OCA2: variants seen among roughly 807,000 people sequenced by gnomAD.
The protein encoded by OCA2 is P protein.
A neutral mutation model predicts 100.2 loss-of-function variants in OCA2; 77 were observed. The ratio of observed to expected loss-of-function variants is 0.77; its 90% CI spans 0.64 to 0.93. The LOEUF is 0.93. OCA2 is among the 40% of genes least tolerant of loss of function. OCA2 has a pLI of 0.00. For synonymous variants in OCA2, 432 were observed against 439.2 expected (o/e 0.98, Z 0.21); for missense variants, 1,062 against 1,089.1 (o/e 0.98, Z 0.35).
Position 28,081,870 on chromosome 15 carries a change from TG to T in OCA2, c.4del (p.His2IlefsTer100). 1 of 1,610,260 alleles carries T rather than the reference TG, an allele frequency of 6.2e-7. No homozygotes were observed. Among genetic ancestry groups the T allele is most frequent in the South Asian group, 1.1e-5 (1 of 90,840 alleles). On this transcript the variant is annotated frameshift_variant, in exon 2 of 24. Coordinates refer to ENST00000354638, the MANE Select transcript of OCA2 (RefSeq NM_000275.3). LOFTEE classifies it high-confidence loss of function. MHLEGRDGRRYP... is the reference protein window; with the variant it reads MXLEGRDGRRYP... ...CCGCCTGCCGTCTCTGCCCTCCAGA[TG>T]CATGCTCCACTGCCAGTCTTCTCTC...
intron 18 of OCA2, among the ~76,000 whole-genome samples, chr15:27,941,264 T>G (rs2039636124): frequency 6.6e-6 from 1 of 152,242 alleles, no homozygotes; most frequent in Non-Finnish European, 1.5e-5. Flanking sequence ...AACAATCTCT[T>G]GATGAATGCA....
intron 2 of OCA2, among the ~76,000 whole-genome samples, chr15:28,070,523 C>G (rs1344862018): frequency 7.2e-6 from 1 of 139,486 alleles, no homozygotes; most frequent in Non-Finnish European, 1.5e-5. Context: ...CCAGCCGCCC[C>G]GTCCGGGAGG....
intron 9 of OCA2, among the ~76,000 whole-genome samples, chr15:27,997,120 G>GAAAAGA (rs1465837536): frequency 3.9e-3 from 226 of 58,090 alleles, no homozygotes; most frequent in Non-Finnish European, 5.0e-3. Context: ...AGAAAGGAAG[G>GAAAAGA]AAGGAAGGAA....
chr15:28,098,936 A>G (rs962754009), intron 1 of OCA2, among the ~76,000 whole-genome samples: 1 of 151,328 alleles, frequency 6.6e-6, no homozygotes, highest in Non-Finnish European at 1.5e-5. Flanking sequence ...ACCTTTCCAA[A>G]CTCCCCCCAC....
intron 23 of OCA2, among the ~76,000 whole-genome samples, chr15:27,778,517 A>G (rs1211074595): frequency 6.6e-6 from 1 of 152,228 alleles, no homozygotes; most frequent in East Asian, 1.9e-4. Context: ...GACACTGCAC[A>G]GAAGACACGC....
intron 2 of OCA2, among the ~76,000 whole-genome samples, chr15:28,041,524 G>C (rs371715277): frequency 5.7e-4 from 87 of 152,294 alleles, no homozygotes; most frequent in African/African-American, 2.0e-3. Context: ...GTTCTAGCCA[G>C]AACAGGTGGG....
intron 23 of OCA2, among the ~76,000 whole-genome samples, chr15:27,843,689 C>T (rs2035426279): frequency 6.6e-6 from 1 of 152,146 alleles, no homozygotes; most frequent in Non-Finnish European, 1.5e-5. Context: ...AAATTAATGC[C>T]TCAGCAAAAT....
chr15:27,922,680 G>GGTGTGTGT lies in OCA2; in HGVS notation c.2079+3439_2079+3446dup, dbSNP rs60426286. ...ATAGCTTTTGTGGTTTTTTGTTTGG[G>GGTGTGTGT]GTGTGTGTGTGTGTGTGTGTGTGTG... On this transcript the variant is annotated intron_variant, in intron 19 of 23. Transcript: ENST00000354638. Among the ~76,000 whole-genome samples the GGTGTGTGT allele has an allele frequency of 7.1e-3, 1,049 of 147,182 alleles. 15 individuals are homozygous for GGTGTGTGT. Among genetic ancestry groups the GGTGTGTGT allele is most frequent in the African/African-American group, 0.022 (892 of 40,148 alleles).
chr15:28,063,370 T>C (rs2043932384), intron 2 of OCA2, among the ~76,000 whole-genome samples: 1 of 152,190 alleles, frequency 6.6e-6, no homozygotes. Context: ...TGCCAATTTC[T>C]GCCTTTTGGT....
chr15:27,908,693 C>G (rs2038272234), intron 19 of OCA2, among the ~76,000 whole-genome samples: 2 of 152,176 alleles, frequency 1.3e-5, no homozygotes, highest in East Asian at 3.9e-4. Flanking sequence ...TGGGGGCTCA[C>G]AGAGTGCCCC....
intron 22 of OCA2, among the ~76,000 whole-genome samples, chr15:27,846,140 A>G (rs2035527724): frequency 6.6e-6 from 1 of 152,026 alleles, no homozygotes; most frequent in South Asian, 2.1e-4. Flanking sequence ...CAGCTGCGAT[A>G]TGCGAGTCTT....
At chr15:27,854,512 G>A (rs759392497) in intron 21 of OCA2, among the ~76,000 whole-genome samples, 17 of 152,302 alleles carry the variant, frequency 1.1e-4, no homozygotes, top group South Asian at 2.1e-4. Context: ...TAAGTAGCAC[G>A]CTAGGAAAAG....
At chr15:27,989,543 G>A in intron 11 of OCA2, 58 bp downstream of exon 11, 1 of 1,444,358 alleles carries the variant, frequency 6.9e-7, no homozygotes, top group South Asian at 1.1e-5. Context: ...GTGGAGGCCA[G>A]AGAAGGCCCG....
intron 23 of OCA2, among the ~76,000 whole-genome samples, chr15:27,802,791 A>T (rs1248202589): frequency 6.6e-6 from 1 of 152,208 alleles, no homozygotes; most frequent in African/African-American, 2.4e-5. Flanking sequence ...CACAGACCTC[A>T]ATGTAAAACC....
At chr15:27,992,152 G>A (rs1399553749) in intron 9 of OCA2, among the ~76,000 whole-genome samples, 1 of 151,616 alleles carries the variant, frequency 6.6e-6, no homozygotes, top group Admixed American at 6.6e-5. Flanking sequence ...CGAGGCTGGA[G>A]TGCAGTGGCA....
rs779382711 is a variant in OCA2 at position 27,755,472 on chromosome 15, C to A, written c.2433G>T (p.Arg811Ser). 9.3e-6 allele frequency: 15 copies of A among 1,611,858 alleles called. No individual in the cohort carries two copies. The highest frequency in any genetic ancestry group is 1.7e-5 in the Admixed American group (1 of 59,974). ...ACACAACCATCATTGGGAAGCCCAG[C>A]CTGAAATACAAAGAGAAATGAGTTA... ...GYGFSFMEFF[R>S]LGFPMMVVSC... The change falls in exon 24 of 24, where the codon AGG (arginine) becomes AGT (serine). Residue 811 changes from arginine to serine, a missense_variant and splice_region_variant. Arg to Ser is a moderately radical substitution (Grantham distance 110). Coordinates refer to ENST00000354638, the MANE Select transcript of OCA2 (RefSeq NM_000275.3).
chr15:27,820,652 T>C (rs187988906), intron 23 of OCA2, among the ~76,000 whole-genome samples: 10 of 152,222 alleles, frequency 6.6e-5, no homozygotes, highest in African/African-American at 2.2e-4. Context: ...GAAAAGGATA[T>C]CAAGGAAGAA....
intron 23 of OCA2, among the ~76,000 whole-genome samples, chr15:27,798,045 G>A (rs1208484900): frequency 6.6e-6 from 1 of 152,250 alleles, no homozygotes; most frequent in Admixed American, 6.5e-5. Flanking sequence ...TGCAGGGTGG[G>A]CAAGAGGGTT....
At chr15:28,088,117 G>A (rs986426370) in intron 1 of OCA2, among the ~76,000 whole-genome samples, 1 of 152,120 alleles carries the variant, frequency 6.6e-6, no homozygotes, top group South Asian at 2.1e-4. Context: ...TGCATCATGT[G>A]CTGTTTTCAT....
Sources: allele counts gnomAD v4.1 joint callset (sites outside exome capture counted in the v4.1 genomes callset), GRCh38; gene constraint gnomAD v4.1.1; transcripts MANE v1.5; gene names NCBI Gene and HGNC (gene_info 2026-07-23, HGNC 2026-07-21).